Variants in GOSR2 observed in about 807,000 individuals in gnomAD.
GOSR2 encodes golgi SNAP receptor complex member 2.
In GOSR2, 20 loss-of-function variants were observed where a neutral mutation model predicts 27.9. The ratio of observed to expected loss-of-function variants is 0.72; its 90% CI spans 0.50 to 1.04. GOSR2 has a LOEUF of 1.04. GOSR2 is among the 50% of genes least tolerant of loss of function. The pLI is 0.00. For missense variants in GOSR2, 261 were observed against 270.5 expected, an observed-to-expected ratio of 0.97 and a Z score of 0.25; for synonymous variants, 91 against 98.8, an observed-to-expected ratio of 0.92 and a Z score of 0.47.
At position 46,940,251 on chromosome 17, in the gene GOSR2, T is replaced by C; in HGVS notation, c.*1491T>C. On this transcript the variant is annotated 3_prime_UTR_variant, in exon 6 of 6. Transcript: ENST00000640051. ...GTTTCCTGGATGCTAATTTCACACT[T>C]TCGGTTGGAGGAGATCTCCATTGTT... is the stretch of plus-strand genomic sequence containing the variant. The C allele has an allele frequency of 7.0e-7, 1 of 1,422,886 alleles. No homozygotes were observed. 88.1% of individuals were successfully genotyped at this position (1,422,886 alleles called of 1,614,324 possible).
rs1305574248 is a variant in GOSR2, at chr17:46,931,219, C to T, written c.203+12C>T. 2 of 1,184,572 alleles carry T rather than the reference C, an allele frequency of 1.7e-6. No individual in the cohort carries two copies. The allele number at this position is 1,184,572 out of a possible 1,614,324, so 73.4% of individuals were successfully genotyped here. On this transcript the variant is annotated intron_variant, in intron 3 of 5. Transcript: ENST00000640051. ...CAAAATGCCAGACTGTAAGTGCTGA[C>T]CTCTGACATGGCTCTGATACTCCAG...
intron 2 of GOSR2, 193 bp from the exon 3 acceptor site, chr17:46,930,906 T>C (rs1053779389): frequency 1.7e-4 from 101 of 603,698 alleles, no homozygotes; most frequent in African/African-American, 3.2e-4. Context: ...GCTATATACA[T>C]GTACTTTTTT....
chr17:46,965,012 G>C (rs939148827), intron 6 of GOSR2: 3 of 152,184 alleles, frequency 2.0e-5, no homozygotes, highest in Non-Finnish European at 2.9e-5. Context: ...CATCTCCATG[G>C]CAATTCACTG....
intron 6 of GOSR2, among the ~76,000 whole-genome samples, chr17:46,965,879 C>T (rs2091296264): frequency 6.6e-6 from 1 of 151,538 alleles, no homozygotes; most frequent in Non-Finnish European, 1.5e-5. Context: ...GATCCTCTTG[C>T]CTTGGCCTCC....
intron 1 of GOSR2, 138 bp downstream of exon 1, chr17:46,923,359 A>G (rs997731224): frequency 6.7e-7 from 1 of 1,503,750 alleles, no homozygotes; most frequent in African/African-American, 1.4e-5. Flanking sequence ...GATGCCTCCG[A>G]AGTGCTTAAT....
chr17:46,944,443 C>T (rs889159128), downstream of GOSR2, among the ~76,000 whole-genome samples: 7 of 152,102 alleles, frequency 4.6e-5, no homozygotes, highest in East Asian at 1.9e-4. Flanking sequence ...GCCCGAGTCA[C>T]GTAGTGCTTT....
intron 1 of GOSR2, among the ~76,000 whole-genome samples, chr17:46,926,922 C>T (rs1159283184): frequency 6.6e-6 from 1 of 152,200 alleles, no homozygotes; most frequent in Non-Finnish European, 1.5e-5. Context: ...AGGACACATT[C>T]CTCAAACTGC....
At chr17:46,946,735 C>G (rs946139342), downstream of GOSR2, among the ~76,000 whole-genome samples, 1 of 150,590 alleles carries the variant, frequency 6.6e-6, no homozygotes, top group African/African-American at 2.4e-5. Flanking sequence ...AGTTGGTGTG[C>G]GCCTGTAGTC....
chr17:46,942,365 T>G (rs6504622), downstream of GOSR2, among the ~76,000 whole-genome samples: 1 of 152,052 alleles, frequency 6.6e-6, no homozygotes. Flanking sequence ...CTCTCACTTA[T>G]GTTCTCCATC....
intron 1 of GOSR2, among the ~76,000 whole-genome samples, chr17:46,928,730 C>G (rs2086863562): frequency 6.6e-6 from 1 of 152,202 alleles, no homozygotes; most frequent in African/African-American, 2.4e-5. Flanking sequence ...GTCACTTCAG[C>G]ATCCTCTCCC....
rs556611457 is a variant in GOSR2, at chr17:46,940,042, C to T, written c.*1282C>T. ...TAACCCTACCTTTGGTTGTCCTGCC[C>T]TACCTGCTCTGTTAGTTTCTTGTTG... On this transcript the variant is annotated 3_prime_UTR_variant, in exon 6 of 6. Coordinates refer to ENST00000640051, the MANE Select transcript of GOSR2 (RefSeq NM_004287.5). The T allele has an allele frequency of 9.4e-7, 1 of 1,062,876 alleles. No individual in the cohort carries two copies. The highest frequency in any genetic ancestry group is 3.4e-5 in the South Asian group (1 of 29,580). The allele number at this position is 1,062,876 out of a possible 1,614,324, so 65.8% of individuals were successfully genotyped here.
chr17:46,928,127 G>A (rs555734712), intron 1 of GOSR2, among the ~76,000 whole-genome samples: 5 of 151,980 alleles, frequency 3.3e-5, no homozygotes, highest in African/African-American at 7.3e-5. Context: ...CGGAAGCAAC[G>A]GCCTGGTCTC....
At chr17:46,936,778 G>A (rs1282804090) in intron 5 of GOSR2, 7 of 983,076 alleles carry the variant, frequency 7.1e-6, no homozygotes, top group South Asian at 9.4e-5. Flanking sequence ...TCACTATCTC[G>A]GGGAAAAAAA....
At chr17:46,959,489 T>C (rs1018267095) in intron 6 of GOSR2, among the ~76,000 whole-genome samples, 40 of 152,202 alleles carry the variant, frequency 2.6e-4, no homozygotes, top group African/African-American at 7.7e-4. Context: ...ACTAAGACTT[T>C]AGAGCAAAGG....
intron 4 of GOSR2, chr17:46,932,520 C>A: frequency 1.7e-6 from 1 of 572,940 alleles, no homozygotes; most frequent in East Asian, 2.9e-5. Context: ...CAGATAGAGA[C>A]AGATGATTAG....
At chr17:46,968,892 A>G (rs2091362803), downstream of GOSR2, 1 of 152,248 alleles carries the variant, frequency 6.6e-6, no homozygotes, top group African/African-American at 2.4e-5. Context: ...CTGGGGTGCA[A>G]CCCCAAAAGC....
chr17:46,940,919 T>C lies in GOSR2; in HGVS notation c.*2159T>C. 7.5e-7 allele frequency: 1 copy of C among 1,327,068 alleles called. No individual in the cohort carries two copies. Among genetic ancestry groups the C allele is most frequent in the African/African-American group, 1.5e-5 (1 of 67,390 alleles). 82.2% of individuals were successfully genotyped at this position (1,327,068 alleles called of 1,614,324 possible). On this transcript the variant is annotated 3_prime_UTR_variant, in exon 6 of 6. Transcript: ENST00000640051. ...TCACACATCTGCTTTCAGTGCCTGG[T>C]GAAAAATAGACCTTGGCCTAACAGT...
chr17:46,950,898 C>T (rs947384755), intron 6 of GOSR2, among the ~76,000 whole-genome samples: 7 of 152,154 alleles, frequency 4.6e-5, no homozygotes, highest in Non-Finnish European at 1.0e-4. Flanking sequence ...CAAGGGTGAC[C>T]CAGTCGGTGA....
Position 46,938,815 on chromosome 17 carries a change from G to T in GOSR2, c.*55G>T. The T allele has an allele frequency of 5.0e-6, 8 of 1,611,836 alleles. No homozygotes were observed. The highest frequency in any genetic ancestry group is 6.8e-6 in the Non-Finnish European group (8 of 1,179,780). On this transcript the variant is annotated 3_prime_UTR_variant, in exon 6 of 6. Coordinates refer to ENST00000640051, the MANE Select transcript of GOSR2 (RefSeq NM_004287.5). ...TCCCACAGCCTGCAAGTGTGTGTGT[G>T]TGTGAAAGAGAGAGGGGGGCCCAGA...
Sources: gnomAD v4.1 joint callset for allele counts (sites outside exome capture counted in the v4.1 genomes callset) on GRCh38, gnomAD v4.1.1 for gene constraint, MANE v1.5 for transcripts, NCBI Gene and HGNC (gene_info 2026-07-23, HGNC 2026-07-21) for gene names.